The following AUTS2 variants were observed in gnomAD, a reference collection of about 807,000 sequenced individuals.
AUTS2 encodes the protein activator of transcription and developmental regulator AUTS2, also known as autism susceptibility gene 2 protein.
A neutral mutation model predicts 112.4 loss-of-function variants in AUTS2; 17 were observed. The observed-to-expected ratio is 0.15, with a 90% CI of 0.10 to 0.23. AUTS2 has a LOEUF of 0.23. Among genes scored for constraint, AUTS2 ranks in the 10% least tolerant of loss-of-function variants. AUTS2 has a pLI of 1.00. For synonymous variants in AUTS2, 751 were observed against 702.7 expected (o/e 1.07, Z -1.09); for missense variants, 1,510 against 1,701.6 (o/e 0.89, Z 1.98).
At chr7:70,318,025 G>A (rs957219993) in intron 4 of AUTS2, among the ~76,000 whole-genome samples, 6 of 152,074 alleles carry the variant, frequency 3.9e-5, no homozygotes, top group Admixed American at 6.6e-5. Flanking sequence ...CTGTGGTGTC[G>A]GTTGGATCAT....
intron 1 of AUTS2, among the ~76,000 whole-genome samples, chr7:69,689,645 TTTA>T (rs1797233979): frequency 3.3e-3 from 5 of 1,538 alleles, no homozygotes; most frequent in Non-Finnish European, 5.2e-3. Flanking sequence ...CGGCCTTTTA[TTTA>T]TTTATTTATT....
At chr7:70,003,426 A>G (rs1280501477) in intron 2 of AUTS2, among the ~76,000 whole-genome samples, 3 of 125,852 alleles carry the variant, frequency 2.4e-5, no homozygotes, top group Non-Finnish European at 4.6e-5. Flanking sequence ...TATGTTATAT[A>G]TGAATATGTT....
At chr7:70,471,424 G>C (rs184580653) in intron 5 of AUTS2, among the ~76,000 whole-genome samples, 12 of 152,290 alleles carry the variant, frequency 7.9e-5, no homozygotes, top group Admixed American at 5.9e-4. Context: ...TAAAAAGCAG[G>C]TGTGTCCTTC....
At chr7:70,627,660 G>T (rs918218763) in intron 5 of AUTS2, among the ~76,000 whole-genome samples, 5 of 152,160 alleles carry the variant, frequency 3.3e-5, no homozygotes, top group Non-Finnish European at 5.9e-5. Context: ...TAGGGCTGGC[G>T]CCAGTTCCTG....
At chr7:69,701,729 A>G (rs1797818347) in intron 1 of AUTS2, among the ~76,000 whole-genome samples, 1 of 152,208 alleles carries the variant, frequency 6.6e-6, no homozygotes, top group Non-Finnish European at 1.5e-5. Context: ...ATTTTATTTT[A>G]TCTCAGTCTC....
intron 4 of AUTS2, among the ~76,000 whole-genome samples, chr7:70,170,681 C>T (rs1025624987): frequency 4.0e-5 from 6 of 151,066 alleles, no homozygotes; most frequent in Non-Finnish European, 5.9e-5. Flanking sequence ...ACTGCAACCT[C>T]ACTGCAACCT....
intron 1 of AUTS2, among the ~76,000 whole-genome samples, chr7:69,653,790 C>G (rs1481429922): frequency 6.6e-6 from 1 of 152,100 alleles, no homozygotes; most frequent in Non-Finnish European, 1.5e-5. Context: ...TCCTTTACTT[C>G]TATGTCCTCT....
At chr7:70,701,301 C>T (rs1809443913) in intron 6 of AUTS2, among the ~76,000 whole-genome samples, 1 of 152,238 alleles carries the variant, frequency 6.6e-6, no homozygotes, top group Non-Finnish European at 1.5e-5. Context: ...AGATGAAGCT[C>T]AGGCAGAGGC....
In AUTS2 at chr7:69,614,367, T is replaced by TCTTTCTTTTCTTTCTTTTCTTTC. The variant is rs57602451; in HGVS notation, c.309+14405_309+14406insCTTTCTTTTCTTTCTTTTCTTTC. ...TTCTTTCTTTCTTTCTTTCTTTCTTTTTTTAAGAGATGGGATCTCACTCTG... is the reference window on the plus strand; with the variant it reads ...TTCTTTCTTTCTTTCTTTCTTTCTTTCTTTCTTTTCTTTCTTTTCTTTCTTTTAAGAGATGGGATCTCACTCTG... On this transcript the variant is annotated intron_variant, in intron 1 of 18. Transcript: ENST00000342771. Among the ~76,000 whole-genome samples, 10 of 90,286 alleles carry TCTTTCTTTTCTTTCTTTTCTTTC rather than the reference T, an allele frequency of 1.1e-4. 1 individual carries two copies. In the South Asian group the frequency reaches 1.3e-3, roughly 12 times the overall value. The allele number at this position is 90,286 out of a possible 152,430, so 59.2% of individuals were successfully genotyped here.
At chr7:70,377,646 C>T (rs2129631784) in intron 4 of AUTS2, among the ~76,000 whole-genome samples, 1 of 151,876 alleles carries the variant, frequency 6.6e-6, no homozygotes, top group African/African-American at 2.4e-5. Context: ...TTCTTCCTTC[C>T]CCAACCCTGC....
chr7:69,850,569 C>A (rs1792434518), intron 1 of AUTS2, among the ~76,000 whole-genome samples: 1 of 151,986 alleles, frequency 6.6e-6, no homozygotes, highest in African/African-American at 2.4e-5. Flanking sequence ...GTAATGATAT[C>A]TCATTGTGAT....
chr7:69,851,132 C>T (rs144453348), intron 1 of AUTS2, among the ~76,000 whole-genome samples: 33 of 152,254 alleles, frequency 2.2e-4, no homozygotes, highest in African/African-American at 7.7e-4. Context: ...GCTTTTGGAT[C>T]GTTGTCAAAT....
chr7:69,965,368 G>A (rs573944856), intron 2 of AUTS2, among the ~76,000 whole-genome samples: 87 of 152,252 alleles, frequency 5.7e-4, no homozygotes, highest in Non-Finnish European at 9.6e-4. Flanking sequence ...GTCTATGCAT[G>A]GTGCCAAGCC....
intron 5 of AUTS2, among the ~76,000 whole-genome samples, chr7:70,629,911 TA>T (rs1448371895): frequency 1.3e-5 from 2 of 152,214 alleles, no homozygotes; most frequent in Admixed American, 1.3e-4. Context: ...ATTTATACCA[TA>T]AATATTGGAG....
chr7:69,818,478 GAC>G (rs1394654609), intron 1 of AUTS2, among the ~76,000 whole-genome samples: 6 of 152,170 alleles, frequency 3.9e-5, no homozygotes, highest in African/African-American at 1.4e-4. Context: ...CCAACTTTAG[GAC>G]TGTGGCAGTT....
At chr7:70,467,749 A>C (rs900891689) in intron 5 of AUTS2, among the ~76,000 whole-genome samples, 3 of 152,220 alleles carry the variant, frequency 2.0e-5, no homozygotes, top group Non-Finnish European at 4.4e-5. Context: ...CAGCACTGGC[A>C]TCTTACAGGC....
At chr7:70,630,861 A>G (rs1805221876) in intron 5 of AUTS2, among the ~76,000 whole-genome samples, 1 of 152,206 alleles carries the variant, frequency 6.6e-6, no homozygotes, top group Non-Finnish European at 1.5e-5. Context: ...TTTTACGAAG[A>G]GCACTTTGTA....
In AUTS2 at chr7:69,684,651, G is replaced by A. The variant is rs1796978090; in HGVS notation, c.309+84689G>A. On this transcript the variant is annotated intron_variant, in intron 1 of 18. Coordinates refer to ENST00000342771, the MANE Select transcript of AUTS2 (RefSeq NM_015570.4). ...GCATGTTAATGACTGTTACAGCTGA[G>A]TAACTAGCGAAAAATAATAGCAAAT... Among the ~76,000 whole-genome samples, 2 of 152,126 alleles carry A rather than the reference G, an allele frequency of 1.3e-5. 1 individual carries two copies. The highest frequency in any genetic ancestry group is 4.1e-4 in the South Asian group (2 of 4,826).
At chr7:70,278,055 T>C (rs755743777) in intron 4 of AUTS2, among the ~76,000 whole-genome samples, 9 of 151,974 alleles carry the variant, frequency 5.9e-5, no homozygotes, top group Non-Finnish European at 8.8e-5. Context: ...CATGAACCAT[T>C]CTTCCCTTTA....
Sources: allele counts gnomAD v4.1 joint callset (sites outside exome capture counted in the v4.1 genomes callset), GRCh38; gene constraint gnomAD v4.1.1; transcripts MANE v1.5; gene names NCBI Gene and HGNC (gene_info 2026-07-23, HGNC 2026-07-21).